The following SYBU variants were observed in gnomAD, a reference collection of about 807,000 sequenced individuals.
The protein encoded by SYBU is syntabulin.
In SYBU, 21 loss-of-function variants were observed where a neutral mutation model predicts 35.9. That is an observed-to-expected ratio of 0.58 (90% CI 0.41 to 0.84). The LOEUF (loss-of-function observed/expected upper bound fraction) is 0.84. Among genes scored for constraint, SYBU ranks in the 40% least tolerant of loss-of-function variants. The probability of loss-of-function intolerance (pLI) is 0.00; values close to 1 mark genes in which losing one functional copy is unlikely to be tolerated. For missense variants in SYBU, 768 were observed against 848.2 expected (o/e 0.91, Z 1.17); for synonymous variants, 319 against 324.3 (o/e 0.98, Z 0.18).
intron 3 of SYBU, chr8:109,608,202 T>C (rs1826265311): frequency 2.3e-6 from 1 of 430,462 alleles, no homozygotes; most frequent in South Asian, 7.1e-5. Context: ...ACCATCGCCC[T>C]CATGAATGGA....
At chr8:109,578,471 T>C (rs1822618500) in intron 5 of SYBU, among the ~76,000 whole-genome samples, 1 of 152,214 alleles carries the variant, frequency 6.6e-6, no homozygotes, top group Admixed American at 6.5e-5. Context: ...TGAGAAGGAA[T>C]GGTAGCTGTG....
Position 109,575,650 on chromosome 8 carries a change from C to CAGAGATAACCCATCTGCCATTGTGTCA in SYBU, c.1221_1247dup (p.Asp408_Leu416dup). 6.2e-7 allele frequency: 1 copy of CAGAGATAACCCATCTGCCATTGTGTCA among 1,614,074 alleles called. No homozygotes were observed. The highest frequency in any genetic ancestry group is 8.5e-7 in the Non-Finnish European group (1 of 1,180,012). ...CCCCTTCCCCCGTGACCTGCTCTTC[C>CAGAGATAACCCATCTGCCATTGTGTCA]AGAGATAACCCATCTGCCATTGTGT... On this transcript the variant is annotated inframe_insertion, in exon 7 of 7. Transcript: ENST00000276646.
In SYBU at chr8:109,619,135, C is replaced by T. The variant is rs779144200; in HGVS notation, c.230-96G>A. 5.5e-5 allele frequency: 47 copies of T among 849,982 alleles called. No individual in the cohort carries two copies. The Middle Eastern group carries it at 1.8e-3, about 32-fold the overall frequency. The allele number at this position is 849,982 out of a possible 1,614,324, so 52.7% of individuals were successfully genotyped here. ...CACCACACACACGCACACGTGCACT[C>T]GCACACGTACACTCTGCTTATGAAG... On this transcript the variant is annotated intron_variant, in intron 2 of 6. Transcript: ENST00000276646.
At chr8:109,679,211 T>C (rs1312011671) in intron 1 of SYBU, among the ~76,000 whole-genome samples, 1 of 152,136 alleles carries the variant, frequency 6.6e-6, no homozygotes, top group Non-Finnish European at 1.5e-5. Context: ...CTACATGGTC[T>C]AAAAAGAGGG....
intron 3 of SYBU, among the ~76,000 whole-genome samples, chr8:109,607,315 A>G (rs1403053120): frequency 1.3e-5 from 2 of 152,246 alleles, no homozygotes; most frequent in Admixed American, 1.3e-4. Context: ...ACTGGATGCC[A>G]TGTGAGAAAA....
chr8:109,622,296 A>G (rs567155554), intron 2 of SYBU, among the ~76,000 whole-genome samples: 136 of 151,820 alleles, frequency 9.0e-4, no homozygotes, highest in African/African-American at 3.1e-3. Flanking sequence ...CAGTGGTGTG[A>G]TCTTGGCTCA....
At chr8:109,628,342 CTTTTTT>C (rs111654259) in intron 2 of SYBU, among the ~76,000 whole-genome samples, 1 of 141,814 alleles carries the variant, frequency 7.1e-6, no homozygotes, top group Non-Finnish European at 1.5e-5. Context: ...AACCACATCT[CTTTTTT>C]TTTTTTTTGA....
rs1361769037 is a variant in SYBU, at chr8:109,644,684, G to A, written c.-25C>T. On this transcript the variant is annotated 5_prime_UTR_variant, in exon 1 of 7. Coordinates refer to ENST00000276646, the MANE Select transcript of SYBU (RefSeq NM_001099754.2). ...TCGCGCCGCTGCCCGCCGGCTCCTC[G>A]CGCCGCCGCTGCCGCCGTCCAGGAG... 6.6e-7 allele frequency: 1 copy of A among 1,506,734 alleles called. No homozygotes were observed. Among genetic ancestry groups the A allele is most frequent in the Non-Finnish European group, 8.8e-7 (1 of 1,135,216 alleles). 93.3% of individuals were successfully genotyped at this position (1,506,734 alleles called of 1,614,324 possible). A position where few individuals can be genotyped will look rare whatever the true frequency, so the allele number is the denominator to read the frequency against.
intron 1 of SYBU, among the ~76,000 whole-genome samples, chr8:109,689,918 T>C (rs1817608539): frequency 6.6e-6 from 1 of 151,782 alleles, no homozygotes; most frequent in South Asian, 2.1e-4. Context: ...ACTTACTCTC[T>C]GCAAGCCTCA....
intron 2 of SYBU, among the ~76,000 whole-genome samples, chr8:109,624,245 A>C (rs1812741087): frequency 6.6e-6 from 1 of 152,142 alleles, no homozygotes; most frequent in African/African-American, 2.4e-5. Context: ...AAAATGCCCA[A>C]CTCCCTGGAA....
intron 3 of SYBU, among the ~76,000 whole-genome samples, chr8:109,588,286 G>A (rs968217743): frequency 1.8e-4 from 28 of 152,124 alleles, no homozygotes; most frequent in Non-Finnish European, 5.9e-5. Context: ...GTTACCCCAC[G>A]GTGCTTCTGA....
chr8:109,595,307 A>G (rs1195834280), intron 3 of SYBU, among the ~76,000 whole-genome samples: 5 of 152,338 alleles, frequency 3.3e-5, no homozygotes, highest in African/African-American at 1.2e-4. Context: ...CTTTTAGATT[A>G]TAAGTCAGTG....
At chr8:109,632,288 G>A (rs896623176) in intron 2 of SYBU, among the ~76,000 whole-genome samples, 2 of 152,170 alleles carry the variant, frequency 1.3e-5, no homozygotes, top group Non-Finnish European at 2.9e-5. Context: ...TGACCTGCCC[G>A]CCTTGGCCTC....
chr8:109,578,054 C>A (rs200501836), intron 5 of SYBU, 37 bp from the exon 6 acceptor site: 2 of 1,583,954 alleles, frequency 1.3e-6, no homozygotes, highest in Non-Finnish European at 1.7e-6. Flanking sequence ...TACTTTTTGC[C>A]GTTTCCTTTT....
chr8:109,585,002 A>G (rs1304960281), intron 4 of SYBU, among the ~76,000 whole-genome samples: 5 of 152,138 alleles, frequency 3.3e-5, no homozygotes, highest in Non-Finnish European at 7.3e-5. Flanking sequence ...GAGGTATCCT[A>G]GGACCCACCA....
chr8:109,644,268 C>G (rs555171380), intron 1 of SYBU: 59 of 502,762 alleles, frequency 1.2e-4, no homozygotes, highest in South Asian at 8.9e-4. Flanking sequence ...AGACCCTGAG[C>G]TAAGGCAGGG....
At chr8:109,604,677 G>A (rs1825883484) in intron 3 of SYBU, among the ~76,000 whole-genome samples, 1 of 152,182 alleles carries the variant, frequency 6.6e-6, no homozygotes, top group Admixed American at 6.5e-5. Flanking sequence ...TGGTTCTCTG[G>A]GCTGGGCAGT....
chr8:109,644,785 T>G lies in SYBU; in HGVS notation c.-126A>C, dbSNP rs1401352365. 4.2e-6 allele frequency: 4 copies of G among 952,928 alleles called. No individual in the cohort carries two copies. Among genetic ancestry groups the G allele is most frequent in the East Asian group, 6.8e-5 (2 of 29,258 alleles). The allele number at this position is 952,928 out of a possible 1,614,324, so 59.0% of individuals were successfully genotyped here. ...TGCGGGCGGCGGCTCTTGGTGAGGC[T>G]CCAACGCGCCGCCGCCGCCACTGCC... On this transcript the variant is annotated 5_prime_UTR_variant, in exon 1 of 7. Transcript: ENST00000276646.
At chr8:109,681,818 C>T (rs192870396), upstream of SYBU, among the ~76,000 whole-genome samples, 7 of 152,208 alleles carry the variant, frequency 4.6e-5, no homozygotes, top group Admixed American at 2.0e-4. Flanking sequence ...ATAAACTGCA[C>T]GTGTCATGGG....
Sources: gnomAD v4.1 joint callset for allele counts (sites outside exome capture counted in the v4.1 genomes callset) on GRCh38, gnomAD v4.1.1 for gene constraint, MANE v1.5 for transcripts, NCBI Gene and HGNC (gene_info 2026-07-23, HGNC 2026-07-21) for gene names.